DVL2: variants seen among roughly 807,000 people sequenced by gnomAD.
The protein encoded by DVL2 is segment polarity protein dishevelled homolog DVL-2.
DVL2 carries 38 observed loss-of-function variants against 69.8 expected under a neutral mutation model. That is an observed-to-expected ratio of 0.54 (90% confidence interval 0.42 to 0.71). DVL2 has a LOEUF of 0.71. Among genes scored for constraint, DVL2 ranks in the 30% least tolerant of loss-of-function variants. The pLI, the probability that DVL2 is intolerant of heterozygous loss-of-function variation, is 0.00. For synonymous variants in DVL2, 428 were observed against 392.4 expected, an observed-to-expected ratio of 1.09 and a Z score of -1.07; for missense variants, 931 against 1,008.1, an observed-to-expected ratio of 0.92 and a Z score of 1.04.
chr17:7,225,558 T>G lies in DVL2; in HGVS notation c.*307A>C. ...CATTCTGGGGTTAGAAGGGGCCCAA[T>G]GGATGGGAATTCTTCATATAAAAGA... On this transcript the variant is annotated 3_prime_UTR_variant, in exon 15 of 15. Transcript: ENST00000005340. The G allele has an allele frequency of 4.6e-6, 2 of 433,780 alleles. No homozygotes were observed. The highest frequency in any genetic ancestry group is 4.2e-6 in the Non-Finnish European group (1 of 240,088). 26.9% of individuals were successfully genotyped at this position (433,780 alleles called of 1,614,324 possible). A position where few individuals can be genotyped will look rare whatever the true frequency, so the allele number is the denominator to read the frequency against.
chr17:7,233,538 G>C (rs368203563), intron 1 of DVL2, among the ~76,000 whole-genome samples: 73 of 152,140 alleles, frequency 4.8e-4, no homozygotes, highest in Non-Finnish European at 3.8e-4. Flanking sequence ...CCGCCTCCCA[G>C]GTTCAAGAGA....
Position 7,226,557 on chromosome 17 carries a change from G to A in DVL2, c.1626C>T (p.Ala542=). ...AAGTGGGCAGCAGGGGCCAGGGGGT[G>A]GCCCCAGGCAGAGGAGCCAGGGTAT... ...DQDTLAPLPG[A]TPWPLLPTFS... Residue 542 remains alanine, a synonymous_variant, in exon 14 of 15, where the codon GCC becomes GCT. Transcript: ENST00000005340. The A allele has an allele frequency of 6.2e-7, 1 of 1,608,980 alleles. No individual in the cohort carries two copies.
Position 7,234,141 on chromosome 17 carries a change from C to T in DVL2, c.122G>A (p.Gly41Asp). Residue 41 changes from glycine to aspartate, a missense_variant, in exon 1 of 15, where the codon GGC (glycine) becomes GAC (aspartate). By Grantham distance (94) the Gly-to-Asp change is moderately conservative. This residue lies in a region of DVL2 where 555 missense variants were observed against 588.8 expected (regional missense o/e 0.94). Transcript: ENST00000005340. ...IPVPAERITL[G>D]DFKSVLQRPA... The stretch of plus-strand genomic sequence containing the variant: ...CCGCTGCAGGACGCTCTTGAAATCG[C>T]CGAGGGTGATGCGCTCGGCGGGGAC... 6.2e-7 allele frequency: 1 copy of T among 1,614,168 alleles called. No homozygotes were observed. Among genetic ancestry groups the T allele is most frequent in the South Asian group, 1.1e-5 (1 of 91,088 alleles).
At position 7,226,589 on chromosome 17, in the gene DVL2, C is replaced by A; in HGVS notation, c.1594G>T (p.Asp532Tyr). 1 of 1,601,080 alleles carries A rather than the reference C, an allele frequency of 6.2e-7. No individual in the cohort carries two copies. The highest frequency in any genetic ancestry group is 1.1e-5 in the South Asian group (1 of 89,718). Residue 532 changes from aspartate (D) to tyrosine (Y), a missense_variant, in exon 14 of 15, where the codon GAC becomes TAC. Physicochemically the swap from Asp to Tyr is radical, Grantham distance 160. This residue lies in a region of DVL2 where 314 missense variants were observed against 313.7 expected (regional missense o/e 1.00). Transcript: ENST00000005340. ...GGCAGAGGAGCCAGGGTATCCTGGT[C>A]TGAAGCCCCACTGGAGCCATCGTTG... ...NDNDGSSGAS[D>Y]QDTLAPLPGA...
chr17:7,227,414 A>C lies in DVL2; in HGVS notation c.1353T>G (p.Asn451Lys). The part of the protein sequence containing the change: ...DRMWLKITIP[N>K]AFLGSDVVDW... ...AGGACCCAGCCATACCCAGAAAGGCATTAGGGATGGTGATCTTGAGCCACA... is the reference window on the plus strand; with the variant it reads ...AGGACCCAGCCATACCCAGAAAGGCCTTAGGGATGGTGATCTTGAGCCACA... Residue 451 changes from asparagine to lysine, a missense_variant, in exon 12 of 15, where the codon AAT becomes AAG. Asn to Lys is a moderately conservative substitution (Grantham distance 94, BLOSUM62 0). This residue lies in a region of DVL2 where 62 missense variants were observed against 105.7 expected (regional missense o/e 0.59). Transcript: ENST00000005340. 6.2e-7 allele frequency: 1 copy of C among 1,614,162 alleles called. No individual in the cohort carries two copies. Among genetic ancestry groups the C allele is most frequent in the Non-Finnish European group, 8.5e-7 (1 of 1,179,988 alleles).
rs1295935164 is a variant in DVL2 at position 7,227,541 on chromosome 17, AGAG to A, written c.1232-9_1232-7del. ...GAGACCCCGGCCTTCACAGCCTGGC[AGAG>A]GAGACAACGGGTAACCAGAGTCAGG... On this transcript the variant is annotated splice_region_variant and splice_polypyrimidine_tract_variant and intron_variant, in intron 11 of 14. Transcript: ENST00000005340. 6.2e-7 allele frequency: 1 copy of A among 1,613,794 alleles called. No homozygotes were observed. Among genetic ancestry groups the A allele is most frequent in the Non-Finnish European group, 8.5e-7 (1 of 1,179,698 alleles).
At chr17:7,230,518 A>C (rs2071527227) in intron 2 of DVL2, 88 bp from the exon 3 acceptor site, 4 of 1,541,582 alleles carry the variant, frequency 2.6e-6, no homozygotes, top group African/African-American at 1.4e-5. Flanking sequence ...AAAGGGTCTC[A>C]GAGAGCTGGA....
In DVL2 at chr17:7,229,943, G is replaced by C; in HGVS notation, c.521C>G (p.Ala174Gly). ...PRRRDSSEHG[A>G]GGHRTGGPSR... ...GGGGCCACCAGTCCTGTGGCCCCCA[G>C]CTACATATGGACAGGAAGCTCAAGA... Residue 174 changes from alanine (A) to glycine (G), a missense_variant and splice_region_variant, in exon 5 of 15, where the codon GCT becomes GGT. Coordinates refer to ENST00000005340, the MANE Select transcript of DVL2 (RefSeq NM_004422.3). This position sits in a 1 kb window ranked among gnomAD's most constrained non-coding sequence, Gnocchi z 4.4. 6.2e-7 allele frequency: 1 copy of C among 1,608,094 alleles called. No homozygotes were observed. The highest frequency in any genetic ancestry group is 8.5e-7 in the Non-Finnish European group (1 of 1,179,774).
rs760604132 is a variant in DVL2, at chr17:7,229,121, C to T, written c.957+14G>A. On this transcript the variant is annotated intron_variant, in intron 8 of 14. Transcript: ENST00000005340. The surrounding 1 kb of genome is among the most constrained non-coding windows in gnomAD (Gnocchi z 4.4). ...CCCCGTGCAGGGCAGCTCAGTGGCC[C>T]TACCCCAGCACACCTGCAAAAGCAT... is the stretch of plus-strand genomic sequence containing the variant. 1 of 1,614,038 alleles carries T rather than the reference C, an allele frequency of 6.2e-7. No homozygotes were observed. The highest frequency in any genetic ancestry group is 1.1e-5 in the South Asian group (1 of 91,090).
chr17:7,227,624 G>T, intron 11 of DVL2, 31 bp downstream of exon 11: 1 of 1,614,182 alleles, frequency 6.2e-7, no homozygotes, highest in Non-Finnish European at 8.5e-7. Flanking sequence ...CTTCTGCTGG[G>T]AGGGTGGGAT....
At chr17:7,230,024 G>A (rs779581828) in intron 4 of DVL2, 22 bp downstream of exon 4, 13 of 1,612,850 alleles carry the variant, frequency 8.1e-6, no homozygotes, top group South Asian at 3.3e-5. Flanking sequence ...AGCCCTTCCC[G>A]GCCCCCAGGC....
In DVL2 at chr17:7,234,264, G is replaced by A; in HGVS notation, c.-2C>T. The A allele has an allele frequency of 3.1e-6, 5 of 1,609,642 alleles. No homozygotes were observed. The South Asian group carries it at 3.3e-5, about 11-fold the overall frequency. ...GCCCCCAGTGCTGCTACCCGCCATG[G>A]TCTCGCCCGCGCGCTCCCGGGCTCC... On this transcript the variant is annotated 5_prime_UTR_variant, in exon 1 of 15. Transcript: ENST00000005340.
rs766570140 is a variant in DVL2, at chr17:7,226,163, C to A, written c.1913G>T (p.Ser638Ile). ...AGGAGGGCCCCCATCGCTAGTCCCA[C>A]TTGCTTCCCCACCCCGCCGAAGGCT... ...GGSLRRGGEA[S>I]GTSDGGPPPS... Residue 638 changes from serine to isoleucine, a missense_variant, in exon 15 of 15, where the codon AGT becomes ATT. Physicochemically the swap from Ser to Ile is moderately radical, Grantham distance 142. Around this residue, in one of 3 missense-constraint regions of DVL2, gnomAD observed 314 missense variants for 313.7 expected, o/e 1.00. Coordinates refer to ENST00000005340, the MANE Select transcript of DVL2 (RefSeq NM_004422.3). 1 of 1,611,144 alleles carries A rather than the reference C, an allele frequency of 6.2e-7. No individual in the cohort carries two copies. Among genetic ancestry groups the A allele is most frequent in the Admixed American group, 1.7e-5 (1 of 59,752 alleles).
At chr17:7,233,292 G>A (rs1354786946) in intron 1 of DVL2, among the ~76,000 whole-genome samples, 1 of 152,016 alleles carries the variant, frequency 6.6e-6, no homozygotes, top group African/African-American at 2.4e-5. Context: ...CACCAGTCTA[G>A]ATTGGAACAT....
chr17:7,225,924 G>A lies in DVL2; in HGVS notation c.2152C>T (p.Arg718Cys), dbSNP rs780552994. ...CCCATGGCCATGTGGAAGCTTTGGC[G>A]GCTGGCTGTCAGTTCTGGGGGCACA... is the stretch of plus-strand genomic sequence containing the variant. ...GSVPPELTAS[R>C]QSFHMAMGNP... The change falls in exon 15 of 15, where the codon CGC becomes TGC. Residue 718 changes from arginine to cysteine, a missense_variant. Around this residue, in one of 3 missense-constraint regions of DVL2, gnomAD observed 314 missense variants for 313.7 expected, o/e 1.00. Transcript: ENST00000005340. 23 of 1,613,790 alleles carry A rather than the reference G, an allele frequency of 1.4e-5. No homozygotes were observed. Among genetic ancestry groups the A allele is most frequent in the Admixed American group, 6.7e-5 (4 of 60,010 alleles).
At chr17:7,227,034 G>C (rs1368581886) in intron 13 of DVL2, 56 bp downstream of exon 13, 16 of 1,534,868 alleles carry the variant, frequency 1.0e-5, no homozygotes, top group Non-Finnish European at 1.3e-5. Context: ...TAGGGTTGGA[G>C]AGGCAGAACA....
chr17:7,232,208 TAA>T (rs2071553113), intron 1 of DVL2, among the ~76,000 whole-genome samples: 1 of 152,218 alleles, frequency 6.6e-6, no homozygotes, highest in Non-Finnish European at 1.5e-5. Context: ...AATAAACGTA[TAA>T]AGCATCAGAC....
At position 7,225,495 on chromosome 17, in the gene DVL2, C is replaced by T; in HGVS notation, c.*370G>A. On this transcript the variant is annotated 3_prime_UTR_variant, in exon 15 of 15. Coordinates refer to ENST00000005340, the MANE Select transcript of DVL2 (RefSeq NM_004422.3). ...GTACCGCTGACCACCCCCAACCCTG[C>T]AAAGGGCAGGGCTGTGGGTAACTGG... is the stretch of plus-strand genomic sequence containing the variant. 7.1e-6 allele frequency: 3 copies of T among 423,280 alleles called. No homozygotes were observed. The highest frequency in any genetic ancestry group is 5.1e-5 in the East Asian group (1 of 19,462). 26.2% of individuals were successfully genotyped at this position (423,280 alleles called of 1,614,324 possible).
chr17:7,230,487 G>A, intron 2 of DVL2, 57 bp from the exon 3 acceptor site: 1 of 1,597,036 alleles, frequency 6.3e-7, no homozygotes, highest in Non-Finnish European at 8.6e-7. Context: ...TGTGACAGGT[G>A]GCAGTAAGTG....
Sources: allele counts gnomAD v4.1 joint callset (sites outside exome capture counted in the v4.1 genomes callset), GRCh38; gene constraint gnomAD v4.1.1; regional missense constraint gnomAD v4.1.1; non-coding constraint Gnocchi (gnomAD v3.1); transcripts MANE v1.5; gene names NCBI Gene and HGNC (gene_info 2026-07-23, HGNC 2026-07-21).